The following PCCA variants were observed in gnomAD, a reference collection of about 807,000 sequenced individuals.
PCCA encodes propionyl-CoA carboxylase alpha chain, mitochondrial.
Under a neutral mutation model 101.3 loss-of-function variants are expected in PCCA, and 74 were observed. The ratio of observed to expected loss-of-function variants is 0.73; its 90% CI spans 0.61 to 0.89. The LOEUF (loss-of-function observed/expected upper bound fraction) is 0.89, where lower values mean the gene tolerates loss of function less well. PCCA is among the 40% of genes least tolerant of loss of function. The pLI, the probability that PCCA is intolerant of heterozygous loss-of-function variation, is 0.00. For missense variants in PCCA, 891 were observed against 907.0 expected, an observed-to-expected ratio of 0.98 and a Z score of 0.23; for synonymous variants, 294 against 313.6, an observed-to-expected ratio of 0.94 and a Z score of 0.66.
chr13:100,306,033 T>C (rs1412514660), intron 14 of PCCA, among the ~76,000 whole-genome samples: 1 of 152,232 alleles, frequency 6.6e-6, no homozygotes, highest in East Asian at 1.9e-4. Context: ...CTATCGCTTG[T>C]CTTCTGATGT....
intron 21 of PCCA, among the ~76,000 whole-genome samples, chr13:100,496,179 A>G (rs1248033589): frequency 6.6e-6 from 1 of 152,220 alleles, no homozygotes; most frequent in East Asian, 1.9e-4. Context: ...CAAACCTTTC[A>G]AATTTTGCCA....
rs188326686 is a variant in PCCA, at chr13:100,256,195, C to T, written c.638-1400C>T. On this transcript the variant is annotated intron_variant, in intron 8 of 23. Transcript: ENST00000376285. ...CTAAGTTTTGTATTTTTAGTAGAGA[C>T]GGAGTTTCACCATGTTGGCCAGGAT... is the stretch of plus-strand genomic sequence containing the variant. Among the ~76,000 whole-genome samples, 100 of 152,116 alleles carry T rather than the reference C, an allele frequency of 6.6e-4. 1 individual carries two copies. The highest frequency in any genetic ancestry group is 2.1e-3 in the African/African-American group (88 of 41,500).
intron 12 of PCCA, among the ~76,000 whole-genome samples, chr13:100,292,934 C>T (rs1016629583): frequency 4.1e-5 from 6 of 147,584 alleles, no homozygotes; most frequent in African/African-American, 1.3e-4. Flanking sequence ...TTTCCAAATT[C>T]GTGTGTGTGT....
chr13:100,294,179 C>T (rs2065344365), intron 12 of PCCA, among the ~76,000 whole-genome samples: 1 of 152,130 alleles, frequency 6.6e-6, no homozygotes, highest in Admixed American at 6.5e-5. Flanking sequence ...CTTGTGTTGT[C>T]TGGGTCCTGA....
chr13:100,216,794 A>G (rs1268014355), intron 7 of PCCA, among the ~76,000 whole-genome samples: 1 of 152,222 alleles, frequency 6.6e-6, no homozygotes, highest in Non-Finnish European at 1.5e-5. Context: ...CAAGGAAAAT[A>G]TGGAGAAAAT....
intron 22 of PCCA, among the ~76,000 whole-genome samples, chr13:100,520,274 C>G (rs1026381670): frequency 6.6e-6 from 1 of 152,172 alleles, no homozygotes; most frequent in Non-Finnish European, 1.5e-5. Context: ...CATTCCTGTC[C>G]TGTCTTCTTC....
chr13:100,098,843 C>CT (rs1270711271), intron 1 of PCCA, among the ~76,000 whole-genome samples: 1 of 152,142 alleles, frequency 6.6e-6, no homozygotes, highest in Admixed American at 6.5e-5. Flanking sequence ...GGAATGGTCT[C>CT]TAAGATCCTG....
At chr13:100,510,242 C>G (rs1474726114) in intron 21 of PCCA, among the ~76,000 whole-genome samples, 1 of 152,210 alleles carries the variant, frequency 6.6e-6, no homozygotes, top group Non-Finnish European at 1.5e-5. Context: ...AATCCTTTAT[C>G]CACCATCTTC....
intron 20 of PCCA, among the ~76,000 whole-genome samples, chr13:100,436,101 G>A (rs2079912619): frequency 6.6e-6 from 1 of 152,112 alleles, no homozygotes; most frequent in African/African-American, 2.4e-5. Context: ...CACAGTGTGG[G>A]AGCGAGCCTG....
chr13:100,118,453 T>C (rs1291899446), intron 4 of PCCA, among the ~76,000 whole-genome samples: 1 of 152,228 alleles, frequency 6.6e-6, no homozygotes, highest in African/African-American at 2.4e-5. Flanking sequence ...TTTTATTATG[T>C]TGGCTTTTAG....
In PCCA at chr13:100,368,124, C is replaced by G. The variant is rs185922932; in HGVS notation, c.1644-348C>G. Among the ~76,000 whole-genome samples, 723 of 152,192 alleles carry G rather than the reference C, an allele frequency of 4.8e-3. 3 individuals are homozygous for G. Among genetic ancestry groups the G allele is most frequent in the Middle Eastern group, 0.01 (3 of 294 alleles). On this transcript the variant is annotated intron_variant, in intron 18 of 23. Transcript: ENST00000376285. ...CACCAGTAAAGAACAAAATGATTCTCTAGGCCACATCATGCTAACTCAGTA... is the reference window on the plus strand; with the variant it reads ...CACCAGTAAAGAACAAAATGATTCTGTAGGCCACATCATGCTAACTCAGTA...
At chr13:100,375,901 C>T (rs1328473327) in intron 19 of PCCA, among the ~76,000 whole-genome samples, 1 of 152,226 alleles carries the variant, frequency 6.6e-6, no homozygotes, top group Non-Finnish European at 1.5e-5. Context: ...AGACCCATCT[C>T]ACATGCAAAG....
chr13:100,216,449 A>C (rs777554604), intron 7 of PCCA, among the ~76,000 whole-genome samples: 2 of 152,226 alleles, frequency 1.3e-5, no homozygotes, highest in Non-Finnish European at 2.9e-5. Flanking sequence ...TCCTTCCTAC[A>C]CGGAGCGTAA....
chr13:100,366,898 TTAA>T (rs1212054907), intron 18 of PCCA, among the ~76,000 whole-genome samples: 1 of 152,200 alleles, frequency 6.6e-6, no homozygotes, highest in Non-Finnish European at 1.5e-5. Flanking sequence ...TGTATTTAAA[TTAA>T]TAATATTAAT....
chr13:100,368,022 A>G lies in PCCA; in HGVS notation c.1644-450A>G, dbSNP rs183035639. On this transcript the variant is annotated intron_variant, in intron 18 of 23. Coordinates refer to ENST00000376285, the MANE Select transcript of PCCA (RefSeq NM_000282.4). ...TAATGTACTAAGATATTTCTCTTCTAATTGACATCATGAAGAAACATTCTA... is the reference window on the plus strand; with the variant it reads ...TAATGTACTAAGATATTTCTCTTCTGATTGACATCATGAAGAAACATTCTA... 3.5e-3 allele frequency among the ~76,000 whole-genome samples: 532 copies of G among 152,220 alleles called. 2 individuals carry two copies. The highest frequency in any genetic ancestry group is 5.1e-3 in the Non-Finnish European group (350 of 68,010).
intron 8 of PCCA, among the ~76,000 whole-genome samples, chr13:100,247,463 G>A (rs1471873724): frequency 2.0e-5 from 3 of 149,808 alleles, no homozygotes; most frequent in South Asian, 2.1e-4. Flanking sequence ...TGATCTGCCC[G>A]CCTCTGCCTC....
rs1167146448 is a variant in PCCA at position 100,237,935 on chromosome 13, C to CTT, written c.637+2059_637+2060dup. Among the ~76,000 whole-genome samples, 555 of 131,036 alleles carry CTT rather than the reference C, an allele frequency of 4.2e-3. 9 individuals carry two copies. Among genetic ancestry groups the CTT allele is most frequent in the South Asian group, 0.017 (67 of 3,916 alleles). 86.0% of individuals were successfully genotyped at this position (131,036 alleles called of 152,430 possible). A position where few individuals can be genotyped will look rare whatever the true frequency, so the allele number is the denominator to read the frequency against. On this transcript the variant is annotated intron_variant, in intron 8 of 23. Coordinates refer to ENST00000376285, the MANE Select transcript of PCCA (RefSeq NM_000282.4). The stretch of plus-strand genomic sequence containing the variant: ...TTTCTTCCACTTTCTTTCTTTCTTT[C>CTT]TTTCTTTTTTTTTTTTTTTGAGACA...
At chr13:100,218,751 A>G (rs571970463) in intron 7 of PCCA, among the ~76,000 whole-genome samples, 10 of 152,316 alleles carry the variant, frequency 6.6e-5, no homozygotes, top group African/African-American at 1.2e-4. Flanking sequence ...ACTGCATTCA[A>G]TTACATTATG....
chr13:100,369,767 A>G (rs900440012), intron 19 of PCCA, among the ~76,000 whole-genome samples: 1 of 152,212 alleles, frequency 6.6e-6, no homozygotes, highest in Admixed American at 6.5e-5. Flanking sequence ...GTGACTCTCT[A>G]CATTCCACCT....
Sources: allele counts gnomAD v4.1 joint callset (sites outside exome capture counted in the v4.1 genomes callset), GRCh38; gene constraint gnomAD v4.1.1; transcripts MANE v1.5; gene names NCBI Gene and HGNC (gene_info 2026-07-23, HGNC 2026-07-21).